Variants in RAPGEF1 observed in about 807,000 individuals in gnomAD.
RAPGEF1 encodes the protein CRK SH3-binding GNRP.
Under a neutral mutation model 143.3 loss-of-function variants are expected in RAPGEF1, and 33 were observed. The observed-to-expected ratio is 0.23, with a 90% CI of 0.17 to 0.31. RAPGEF1 has a LOEUF of 0.31. RAPGEF1 is among the 10% of genes least tolerant of loss of function. The pLI, the probability that RAPGEF1 is intolerant of heterozygous loss-of-function variation, is 1.00. For synonymous variants in RAPGEF1, 629 were observed against 676.5 expected (o/e 0.93, Z 1.09); for missense variants, 1,199 against 1,645.4 (o/e 0.73, Z 4.69).
intron 1 of RAPGEF1, chr9:131,709,680 C>T: frequency 2.5e-6 from 4 of 1,613,974 alleles, no homozygotes; most frequent in Non-Finnish European, 3.4e-6. Flanking sequence ...ATAGCATTGC[C>T]CATTTTAAAG....
intron 15 of RAPGEF1, among the ~76,000 whole-genome samples, chr9:131,600,084 C>T (rs950682534): frequency 1.8e-4 from 27 of 151,988 alleles, no homozygotes; most frequent in Admixed American, 4.6e-4. Flanking sequence ...CCACTGCACT[C>T]CAGCCTAGGT....
intron 18 of RAPGEF1, among the ~76,000 whole-genome samples, chr9:131,591,524 A>G (rs534602574): frequency 2.0e-4 from 31 of 152,278 alleles, no homozygotes; most frequent in African/African-American, 6.3e-4. Context: ...CTCAGCCACT[A>G]CTGCAGAGGG....
At chr9:131,592,289 C>T in intron 17 of RAPGEF1, 106 bp from the exon 18 acceptor site, 1 of 866,370 alleles carries the variant, frequency 1.2e-6, no homozygotes, top group Non-Finnish European at 1.9e-6. Flanking sequence ...GGGGAGATGG[C>T]ACGGGGAGTG....
intron 1 of RAPGEF1, among the ~76,000 whole-genome samples, chr9:131,721,069 C>G (rs923549716): frequency 6.6e-6 from 1 of 152,012 alleles, no homozygotes; most frequent in African/African-American, 2.4e-5. Flanking sequence ...CATGGGAGAA[C>G]GGAGCCCCAG....
At chr9:131,630,926 G>A (rs1964665480) in intron 5 of RAPGEF1, among the ~76,000 whole-genome samples, 1 of 151,616 alleles carries the variant, frequency 6.6e-6, no homozygotes, top group Non-Finnish European at 1.5e-5. Flanking sequence ...AAAAAAAAGG[G>A]AAGACATAAG....
chr9:131,731,851 T>G (rs1014361024), intron 1 of RAPGEF1, among the ~76,000 whole-genome samples: 2 of 152,190 alleles, frequency 1.3e-5, no homozygotes, highest in African/African-American at 4.8e-5. Flanking sequence ...GCTAAGGGAC[T>G]GTGGGGACAG....
chr9:131,589,855 GC>G, intron 19 of RAPGEF1, 30 bp downstream of exon 19: 2 of 1,589,174 alleles, frequency 1.3e-6, no homozygotes, highest in Non-Finnish European at 1.7e-6. Context: ...CTCCCCACTG[GC>G]CCCCAGGACC....
In RAPGEF1 at chr9:131,579,467, G is replaced by A. The variant is rs747159156; in HGVS notation, c.*30C>T. 1.9e-6 allele frequency: 3 copies of A among 1,610,358 alleles called. No individual in the cohort carries two copies. The highest frequency in any genetic ancestry group is 2.7e-5 in the African/African-American group (2 of 74,824). Reference sequence around the variant, plus strand: ...CTGGGAGCTGCCCTCTGCGCCCCTCGAGCATTCTCCTGGATCCCGGCGTCT... The same window carrying A: ...CTGGGAGCTGCCCTCTGCGCCCCTCAAGCATTCTCCTGGATCCCGGCGTCT... On this transcript the variant is annotated 3_prime_UTR_variant, in exon 27 of 27. Coordinates refer to ENST00000683357, the MANE Select transcript of RAPGEF1 (RefSeq NM_001377935.1).
chr9:131,630,197 A>G (rs1420939508), intron 6 of RAPGEF1, 39 bp downstream of exon 6: 1 of 1,567,418 alleles, frequency 6.4e-7, no homozygotes, highest in African/African-American at 1.3e-5. Context: ...TTTGCCACTG[A>G]GCGTGACACC....
At chr9:131,731,649 A>G (rs1278261848) in intron 1 of RAPGEF1, among the ~76,000 whole-genome samples, 1 of 152,202 alleles carries the variant, frequency 6.6e-6, no homozygotes, top group Admixed American at 6.5e-5. Flanking sequence ...ACAAATTTTA[A>G]AAGCTATAGA....
chr9:131,707,231 C>T (rs146424522), intron 1 of RAPGEF1, among the ~76,000 whole-genome samples: 1 of 152,312 alleles, frequency 6.6e-6, no homozygotes, highest in East Asian at 1.9e-4. Flanking sequence ...ATACCGGTGT[C>T]TGCTAAGGCC....
At chr9:131,633,342 C>T (rs1047575977) in intron 5 of RAPGEF1, among the ~76,000 whole-genome samples, 4 of 152,148 alleles carry the variant, frequency 2.6e-5, no homozygotes, top group Admixed American at 6.5e-5. Context: ...AAAAGCACAA[C>T]GCCAGGCCCC....
chr9:131,693,634 C>G (rs947143736), intron 1 of RAPGEF1, among the ~76,000 whole-genome samples: 2 of 152,170 alleles, frequency 1.3e-5, no homozygotes, highest in African/African-American at 4.8e-5. Context: ...CTTGGCCCAT[C>G]AGAACACTCA....
Position 131,638,883 on chromosome 9 carries a change from C to T in RAPGEF1, c.495-92G>A, listed in dbSNP as rs1338513670. 63 of 1,341,998 alleles carry T rather than the reference C, an allele frequency of 4.7e-5. 2 individuals carry two copies. Among genetic ancestry groups the T allele is most frequent in the South Asian group, 4.5e-4 (32 of 71,660 alleles). 83.1% of individuals were successfully genotyped at this position (1,341,998 alleles called of 1,614,324 possible). The stretch of plus-strand genomic sequence containing the variant: ...GCTTCTCGGTGACAAGGGTGTGTTT[C>T]TCCAACTTTCTTTGTGCAAAATCCA... On this transcript the variant is annotated intron_variant, in intron 4 of 26. Transcript: ENST00000683357.
chr9:131,657,046 G>A (rs761597211), intron 1 of RAPGEF1, among the ~76,000 whole-genome samples: 1 of 152,232 alleles, frequency 6.6e-6, no homozygotes, highest in Non-Finnish European at 1.5e-5. Flanking sequence ...AGGACAGTAT[G>A]TTTGTCACAT....
chr9:131,660,599 T>C (rs1286805737), intron 1 of RAPGEF1, among the ~76,000 whole-genome samples: 2 of 152,210 alleles, frequency 1.3e-5, no homozygotes, highest in African/African-American at 4.8e-5. Context: ...CAATGCTGCG[T>C]TGATGAACAC....
chr9:131,644,775 G>GC (rs1969078842), intron 3 of RAPGEF1, among the ~76,000 whole-genome samples: 1 of 152,046 alleles, frequency 6.6e-6, no homozygotes, highest in East Asian at 1.9e-4. Context: ...ACCAGCCTGG[G>GC]CAACATAGTG....
chr9:131,737,697 G>C (rs1198257423), intron 1 of RAPGEF1, among the ~76,000 whole-genome samples: 3 of 152,124 alleles, frequency 2.0e-5, no homozygotes, highest in African/African-American at 7.2e-5. Context: ...CAGCGCGGTG[G>C]CTCACGCATG....
intron 1 of RAPGEF1, among the ~76,000 whole-genome samples, chr9:131,687,248 C>T (rs902864565): frequency 3.3e-5 from 5 of 152,248 alleles, no homozygotes; most frequent in Non-Finnish European, 7.4e-5. Flanking sequence ...TTGAATGCAG[C>T]GGCACGATCT....
Sources: allele counts gnomAD v4.1 joint callset (sites outside exome capture counted in the v4.1 genomes callset), GRCh38; gene constraint gnomAD v4.1.1; transcripts MANE v1.5; gene names NCBI Gene and HGNC (gene_info 2026-07-23, HGNC 2026-07-21).